SEC22A: variants seen among roughly 807,000 people sequenced by gnomAD.
SEC22A encodes vesicle-trafficking protein SEC22a.
Under a neutral mutation model 35.3 loss-of-function variants are expected in SEC22A, and 22 were observed. That is an observed-to-expected ratio of 0.62 (90% CI 0.45 to 0.89). The LOEUF is 0.89. Among genes scored for constraint, SEC22A ranks in the 40% least tolerant of loss-of-function variants. The pLI, the probability that SEC22A is intolerant of heterozygous loss-of-function variation, is 0.00. For missense variants in SEC22A, 354 were observed against 362.5 expected, an observed-to-expected ratio of 0.98 and a Z score of 0.19; for synonymous variants, 119 against 129.5, an observed-to-expected ratio of 0.92 and a Z score of 0.55.
rs191283970 is a variant in SEC22A at position 123,208,847 on chromosome 3, C to T, written c.-19-352C>T. 5 of 225,510 alleles carry T rather than the reference C, an allele frequency of 2.2e-5. No homozygotes were observed. The East Asian group carries it at 5.7e-4, about 26-fold the overall frequency. The allele number at this position is 225,510 out of a possible 1,614,324, so 14.0% of individuals were successfully genotyped here. On this transcript the variant is annotated intron_variant, in intron 1 of 6. Transcript: ENST00000492595. ...TCTCACTCTGTCGCCCAGGCTGGAG[C>T]TCAGTGACGCGATTTCGGCTCACTG...
Position 123,273,618 on chromosome 3 carries a change from G to C in SEC22A, c.*1896G>C, listed in dbSNP as rs1938223721. 6.6e-6 allele frequency: 1 copy of C among 152,136 alleles called. No individual in the cohort carries two copies. Among genetic ancestry groups the C allele is most frequent in the African/African-American group, 2.4e-5 (1 of 41,406 alleles). 9.4% of individuals were successfully genotyped at this position (152,136 alleles called of 1,614,324 possible). On this transcript the variant is annotated 3_prime_UTR_variant, in exon 7 of 7. Coordinates refer to ENST00000492595, the MANE Select transcript of SEC22A (RefSeq NM_012430.5). ...GACCAGTAGTTTGAGAATCAGCCTGGCCAACGTGGTGAAACCTCATCTCTA... is the reference window on the plus strand; with the variant it reads ...GACCAGTAGTTTGAGAATCAGCCTGCCCAACGTGGTGAAACCTCATCTCTA...
intron 4 of SEC22A, among the ~76,000 whole-genome samples, chr3:123,239,817 A>C (rs1447733103): frequency 6.6e-6 from 1 of 152,096 alleles, no homozygotes; most frequent in Non-Finnish European, 1.5e-5. Flanking sequence ...TGCTGTGCAG[A>C]AGCTCTTTAG....
intron 4 of SEC22A, among the ~76,000 whole-genome samples, chr3:123,237,129 A>G (rs1345313817): frequency 6.6e-6 from 1 of 152,176 alleles, no homozygotes; most frequent in African/African-American, 2.4e-5. Flanking sequence ...TTGCAATAAA[A>G]CTTTATTTAC....
intron 2 of SEC22A, among the ~76,000 whole-genome samples, chr3:123,213,044 G>T (rs1936965036): frequency 6.6e-6 from 1 of 152,166 alleles, no homozygotes; most frequent in Non-Finnish European, 1.5e-5. Flanking sequence ...ATCAGCAGAA[G>T]TCTAATCTGG....
intron 4 of SEC22A, among the ~76,000 whole-genome samples, chr3:123,231,919 T>C (rs924544292): frequency 1.3e-5 from 2 of 152,064 alleles, no homozygotes; most frequent in African/African-American, 4.8e-5. Flanking sequence ...CTTAGCTAGA[T>C]TGACCCAGAA....
At chr3:123,263,925 C>CT (rs200151212) in intron 6 of SEC22A, among the ~76,000 whole-genome samples, 5,027 of 137,034 alleles carry the variant, frequency 0.037, 173 homozygotes, top group East Asian at 0.15. Flanking sequence ...TGATTTGTTC[C>CT]TTTTTTTTTT....
intron 5 of SEC22A, among the ~76,000 whole-genome samples, chr3:123,255,798 G>A (rs976811293): frequency 3.3e-5 from 5 of 151,900 alleles, no homozygotes; most frequent in Admixed American, 6.6e-5. Context: ...AAATATTTGC[G>A]TTTTCCTTTT....
chr3:123,225,920 G>C lies in SEC22A; in HGVS notation c.541+623G>C, dbSNP rs1047447288. Among the ~76,000 whole-genome samples the C allele has an allele frequency of 4.1e-5, 6 of 146,198 alleles. No individual in the cohort carries two copies. The East Asian group carries it at 1.2e-3, about 29-fold the overall frequency. ...ATGAGTTCAGTTGTTTTAAACTTTAGCTCCCACAAATGAGTGAGAATATGT... is the reference window on the plus strand; with the variant it reads ...ATGAGTTCAGTTGTTTTAAACTTTACCTCCCACAAATGAGTGAGAATATGT... On this transcript the variant is annotated intron_variant, in intron 4 of 6. Transcript: ENST00000492595.
rs1009251032 is a variant in SEC22A, at chr3:123,228,055, T to C, written c.541+2758T>C. On this transcript the variant is annotated intron_variant, in intron 4 of 6. Coordinates refer to ENST00000492595, the MANE Select transcript of SEC22A (RefSeq NM_012430.5). ...GACATGCTTTAGTTTGTTAATATTC[T>C]TTAAATTTGGACTGAATACAACACT... is the stretch of plus-strand genomic sequence containing the variant. 3.3e-5 allele frequency among the ~76,000 whole-genome samples: 5 copies of C among 152,190 alleles called. No homozygotes were observed. The East Asian group carries it at 9.7e-4, about 29-fold the overall frequency.
At chr3:123,262,063 G>A (rs1000692879) in intron 6 of SEC22A, among the ~76,000 whole-genome samples, 4 of 152,152 alleles carry the variant, frequency 2.6e-5, no homozygotes, top group Admixed American at 2.0e-4. Context: ...TGATAATAAT[G>A]CTGTTTTTTT....
At chr3:123,222,717 A>G (rs1937149028) in intron 2 of SEC22A, among the ~76,000 whole-genome samples, 1 of 152,234 alleles carries the variant, frequency 6.6e-6, no homozygotes, top group Non-Finnish European at 1.5e-5. Context: ...TCCATCTAAC[A>G]TGAATGATGT....
intron 5 of SEC22A, among the ~76,000 whole-genome samples, chr3:123,257,266 G>C (rs1463150190): frequency 6.6e-6 from 1 of 152,068 alleles, no homozygotes; most frequent in African/African-American, 2.4e-5. Flanking sequence ...ACTTTTCTTT[G>C]TATTTGCAAA....
At position 123,271,598 on chromosome 3, in the gene SEC22A, A is replaced by G; in HGVS notation, c.800A>G (p.Asn267Ser). 2 of 1,614,194 alleles carry G rather than the reference A, an allele frequency of 1.2e-6. No homozygotes were observed. Among genetic ancestry groups the G allele is most frequent in the Admixed American group, 1.7e-5 (1 of 60,026 alleles). The change falls in exon 7 of 7, where the codon AAC (asparagine) becomes AGC (serine). Residue 267 changes from asparagine to serine, a missense_variant. Asn to Ser is a conservative substitution (Grantham distance 46, BLOSUM62 1). Coordinates refer to ENST00000492595, the MANE Select transcript of SEC22A (RefSeq NM_012430.5). ...FLTFGLICLC[N>S]MYLYELRNLW... ...ACTTTTGGCTTAATCTGTCTATGCAACATGTATCTCTATGAACTGCGCAAC... is the reference window on the plus strand; with the variant it reads ...ACTTTTGGCTTAATCTGTCTATGCAGCATGTATCTCTATGAACTGCGCAAC...
At chr3:123,235,793 C>A (rs7625749) in intron 4 of SEC22A, among the ~76,000 whole-genome samples, 1 of 151,988 alleles carries the variant, frequency 6.6e-6, no homozygotes, top group Non-Finnish European at 1.5e-5. Context: ...GTGTAGACAC[C>A]CAACTGTCCA....
intron 4 of SEC22A, among the ~76,000 whole-genome samples, chr3:123,232,890 T>A (rs1937346611): frequency 6.6e-6 from 1 of 152,160 alleles, no homozygotes; most frequent in African/African-American, 2.4e-5. Context: ...CCCAGCACTT[T>A]GGGAGACTGA....
At chr3:123,233,323 C>T (rs542236790) in intron 4 of SEC22A, among the ~76,000 whole-genome samples, 34 of 152,184 alleles carry the variant, frequency 2.2e-4, no homozygotes, top group African/African-American at 8.2e-4. Context: ...GGTTTGTAAC[C>T]CAGGAGCAAT....
intron 4 of SEC22A, among the ~76,000 whole-genome samples, chr3:123,237,362 C>A (rs573640516): frequency 6.6e-6 from 1 of 152,248 alleles, no homozygotes; most frequent in African/African-American, 2.4e-5. Flanking sequence ...GAATGAATTG[C>A]TTTGTTCCAT....
In SEC22A at chr3:123,271,759, G is replaced by A; in HGVS notation, c.*37G>A. ...AGATCTATTGCCTTGGCTTCAGGGG[G>A]ATAAGGAGGGAACATATCATAACTG... On this transcript the variant is annotated 3_prime_UTR_variant, in exon 7 of 7. Transcript: ENST00000492595. 1.3e-6 allele frequency: 2 copies of A among 1,535,522 alleles called. No homozygotes were observed. The highest frequency in any genetic ancestry group is 2.2e-5 in the East Asian group (1 of 44,494).
intron 5 of SEC22A, among the ~76,000 whole-genome samples, chr3:123,254,113 T>C (rs892357358): frequency 1.3e-5 from 2 of 152,316 alleles, no homozygotes; most frequent in African/African-American, 4.8e-5. Context: ...TCCCTAATTA[T>C]TATAAACATT....
Sources: allele counts gnomAD v4.1 joint callset (sites outside exome capture counted in the v4.1 genomes callset), GRCh38; gene constraint gnomAD v4.1.1; transcripts MANE v1.5; gene names NCBI Gene and HGNC (gene_info 2026-07-23, HGNC 2026-07-21).